TMEM132C: variants seen among roughly 807,000 people sequenced by gnomAD.
TMEM132C encodes the protein protein phosphatase 1, regulatory subunit 152.
A neutral mutation model predicts 61.4 loss-of-function variants in TMEM132C; 29 were observed. That is an observed-to-expected ratio of 0.47 (90% CI 0.35 to 0.64). The LOEUF is 0.64. Among genes scored for constraint, TMEM132C ranks in the 30% least tolerant of loss-of-function variants. The probability of loss-of-function intolerance (pLI) is 0.00; values close to 1 mark genes in which losing one functional copy is unlikely to be tolerated. For missense variants in TMEM132C, 1,408 were observed against 1,476.9 expected (o/e 0.95, Z 0.76); for synonymous variants, 656 against 633.1 (o/e 1.04, Z -0.54).
intron 2 of TMEM132C, among the ~76,000 whole-genome samples, chr12:128,422,602 G>A (rs954427099): frequency 2.0e-5 from 3 of 152,196 alleles, no homozygotes; most frequent in East Asian, 1.9e-4. Context: ...TGCTGCTAAC[G>A]TGAATTTATG....
At chr12:128,495,687 A>T (rs1220639838) in intron 2 of TMEM132C, among the ~76,000 whole-genome samples, 1 of 152,102 alleles carries the variant, frequency 6.6e-6, no homozygotes, top group Admixed American at 6.6e-5. Context: ...TTTGCTTGGT[A>T]GATCTTCCTC....
At chr12:128,309,752 A>T in intron 1 of TMEM132C, among the ~76,000 whole-genome samples, 1 of 143,094 alleles carries the variant, frequency 7.0e-6, no homozygotes. Flanking sequence ...TTTTTTCCTG[A>T]GATGGAGTCT....
intron 2 of TMEM132C, among the ~76,000 whole-genome samples, chr12:128,461,629 G>T (rs1240490406): frequency 6.6e-6 from 1 of 152,138 alleles, no homozygotes; most frequent in Non-Finnish European, 1.5e-5. Flanking sequence ...TCCATTGAGG[G>T]AATGATGGGT....
intron 4 of TMEM132C, among the ~76,000 whole-genome samples, chr12:128,644,528 G>A (rs12423861): frequency 3.3e-5 from 5 of 152,202 alleles, no homozygotes; most frequent in Non-Finnish European, 5.9e-5. Flanking sequence ...ATTCCATTTA[G>A]ATGAACTTTC....
chr12:128,407,484 C>T (rs1875385667), intron 1 of TMEM132C, among the ~76,000 whole-genome samples: 1 of 152,164 alleles, frequency 6.6e-6, no homozygotes, highest in African/African-American at 2.4e-5. Flanking sequence ...AATGTAGAGG[C>T]TTGATCATGT....
At position 128,433,969 on chromosome 12, in the gene TMEM132C, G is replaced by A. The variant is rs76034150; in HGVS notation, c.974+18349G>A. On this transcript the variant is annotated intron_variant, in intron 2 of 8. Transcript: ENST00000435159. Reference sequence around the variant, plus strand: ...AAGGCGTCAGTGGGCTGCCTTGAAGGAGCTCCATTGATTTGGGAATATTCT... The same window carrying A: ...AAGGCGTCAGTGGGCTGCCTTGAAGAAGCTCCATTGATTTGGGAATATTCT... Among the ~76,000 whole-genome samples, 76 of 152,348 alleles carry A rather than the reference G, an allele frequency of 5.0e-4. No homozygotes were observed. In the East Asian group the frequency reaches 0.014, roughly 29 times the overall value.
intron 2 of TMEM132C, among the ~76,000 whole-genome samples, chr12:128,486,815 G>A (rs532550864): frequency 3.4e-4 from 52 of 151,326 alleles, no homozygotes; most frequent in Non-Finnish European, 6.3e-4. Flanking sequence ...CAACAGCTGC[G>A]GAAATAAATG....
At chr12:128,376,722 C>T (rs937635009) in intron 1 of TMEM132C, among the ~76,000 whole-genome samples, 3 of 152,208 alleles carry the variant, frequency 2.0e-5, no homozygotes. Flanking sequence ...GTATGCATCT[C>T]ACTTTGTATT....
chr12:128,702,192 A>G (rs1316969410), intron 8 of TMEM132C, among the ~76,000 whole-genome samples: 1 of 151,968 alleles, frequency 6.6e-6, no homozygotes, highest in Non-Finnish European at 1.5e-5. Context: ...AAGCCACCAC[A>G]TCTGGCCCCC....
intron 3 of TMEM132C, among the ~76,000 whole-genome samples, chr12:128,572,452 A>G (rs770946212): frequency 1.4e-4 from 16 of 118,056 alleles, no homozygotes; most frequent in Non-Finnish European, 2.0e-4. Flanking sequence ...GGGTCGCATG[A>G]CCACTGTGGC....
chr12:128,331,616 A>G (rs1176528119), intron 1 of TMEM132C, among the ~76,000 whole-genome samples: 1 of 152,192 alleles, frequency 6.6e-6, no homozygotes, highest in Non-Finnish European at 1.5e-5. Flanking sequence ...TTAATGGCTG[A>G]GTAGTATTCC....
chr12:128,326,031 A>G lies in TMEM132C; in HGVS notation c.85+58544A>G, dbSNP rs1241835742. Among the ~76,000 whole-genome samples, 1 of 152,158 alleles carries G rather than the reference A, an allele frequency of 6.6e-6. No homozygotes were observed. Among genetic ancestry groups the G allele is most frequent in the Non-Finnish European group, 1.5e-5 (1 of 68,018 alleles). On this transcript the variant is annotated intron_variant, in intron 1 of 8. Coordinates refer to ENST00000435159, the MANE Select transcript of TMEM132C (RefSeq NM_001136103.3). This position sits in a 1 kb window ranked among gnomAD's most constrained non-coding sequence, Gnocchi z 5.6. ...ATTCCTGGGTCCTGACGCCATACTCAGGACATGGCCAGTATTCACACAGTA... is the reference window on the plus strand; with the variant it reads ...ATTCCTGGGTCCTGACGCCATACTCGGGACATGGCCAGTATTCACACAGTA...
chr12:128,330,094 C>A (rs1872632335), intron 1 of TMEM132C, among the ~76,000 whole-genome samples: 1 of 152,142 alleles, frequency 6.6e-6, no homozygotes, highest in Non-Finnish European at 1.5e-5. Flanking sequence ...TCTGATGAAG[C>A]CAGTGAGTAG....
chr12:128,320,944 G>C (rs910226208), intron 1 of TMEM132C, among the ~76,000 whole-genome samples: 1 of 151,762 alleles, frequency 6.6e-6, no homozygotes, highest in Non-Finnish European at 1.5e-5. Flanking sequence ...CCATGCTCTA[G>C]GGGTGTGTCA....
At chr12:128,480,249 G>GA (rs1019199002) in intron 2 of TMEM132C, among the ~76,000 whole-genome samples, 1 of 152,108 alleles carries the variant, frequency 6.6e-6, no homozygotes, top group African/African-American at 2.4e-5. Flanking sequence ...AACAAAGAAA[G>GA]AAAAAATCTC....
intron 1 of TMEM132C, among the ~76,000 whole-genome samples, chr12:128,320,690 T>TCGCACC (rs1288975643): frequency 6.6e-6 from 1 of 151,874 alleles, no homozygotes. Context: ...GAAGGATCAC[T>TCGCACC]TGCACCTGGG....
In TMEM132C at chr12:128,610,790, G is replaced by A. The variant is rs139777375; in HGVS notation, c.1122-5362G>A. 1.0e-3 allele frequency among the ~76,000 whole-genome samples: 157 copies of A among 152,234 alleles called. 3 individuals carry two copies. In the East Asian group the frequency reaches 0.023, roughly 22 times the overall value. ...TTTAGTCTCTATCTGCCAGTACAAC[G>A]TGCATTATGGCATTGTGTCTACAGA... On this transcript the variant is annotated intron_variant, in intron 3 of 8. Coordinates refer to ENST00000435159, the MANE Select transcript of TMEM132C (RefSeq NM_001136103.3).
intron 2 of TMEM132C, among the ~76,000 whole-genome samples, chr12:128,502,869 T>G (rs1452427033): frequency 6.6e-6 from 1 of 152,226 alleles, no homozygotes; most frequent in Non-Finnish European, 1.5e-5. Flanking sequence ...GATGCTCCCT[T>G]TCTTTGAATA....
At chr12:128,583,150 A>G (rs1418887702) in intron 3 of TMEM132C, among the ~76,000 whole-genome samples, 1 of 152,218 alleles carries the variant, frequency 6.6e-6, no homozygotes. Context: ...TTAAATCAAT[A>G]TATATCATTA....
Sources: allele counts gnomAD v4.1 joint callset (sites outside exome capture counted in the v4.1 genomes callset), GRCh38; gene constraint gnomAD v4.1.1; non-coding constraint Gnocchi (gnomAD v3.1); transcripts MANE v1.5; gene names NCBI Gene and HGNC (gene_info 2026-07-23, HGNC 2026-07-21).